The following DMD variants were observed in gnomAD, a reference collection of about 807,000 sequenced individuals.
DMD encodes dystrophin, also known as mutant dystrophin.
DMD carries 63 observed loss-of-function variants against 330.1 expected under a neutral mutation model. The observed-to-expected ratio is 0.19, with a 90% CI of 0.16 to 0.24. The LOEUF (loss-of-function observed/expected upper bound fraction) is 0.24. Ranked by LOEUF, DMD falls within the 10% of genes least tolerant of loss-of-function variation. The pLI is 1.00. For missense variants in DMD, 3,344 were observed against 2,684.1 expected (o/e 1.25, Z -5.43); for synonymous variants, 1,223 against 959.8 (o/e 1.27, Z -5.07).
At chrX:31,896,159 T>C (rs966922708) in intron 47 of DMD, among the ~76,000 whole-genome samples, 17 of 112,042 alleles carry the variant, frequency 1.5e-4, no homozygotes, top group Non-Finnish European at 3.0e-4. Context: ...AATTTTACAG[T>C]TCATATGTGA....
At chrX:32,763,884 C>T (rs946344087) in intron 7 of DMD, among the ~76,000 whole-genome samples, 3 of 111,263 alleles carry the variant, frequency 2.7e-5, no homozygotes, top group Non-Finnish European at 5.7e-5. Flanking sequence ...AAATAAAAAA[C>T]GTTTGTTGAT....
In DMD at chrX:32,793,262, A is replaced by G. The variant is rs766807299; in HGVS notation, c.649+16231T>C. On this transcript the variant is annotated intron_variant, in intron 7 of 78. Transcript: ENST00000357033. The stretch of plus-strand genomic sequence containing the variant: ...TGAAACAAATGAATATCAAAATATA[A>G]TAACACCTACGGGATATGGCAAAAG... 2.3e-4 allele frequency among the ~76,000 whole-genome samples: 26 copies of G among 111,734 alleles called. 2 individuals are homozygous for G. In the South Asian group the frequency reaches 8.8e-3, roughly 38 times the overall value.
intron 44 of DMD, among the ~76,000 whole-genome samples, chrX:32,194,958 G>A (rs1426012191): frequency 3.6e-5 from 4 of 111,320 alleles, no homozygotes; most frequent in African/African-American, 6.5e-5. Context: ...ATTTTGCTGC[G>A]GTGTAGGATT....
At chrX:31,371,564 G>A (rs777120822) in intron 60 of DMD, among the ~76,000 whole-genome samples, 346 of 111,085 alleles carry the variant, frequency 3.1e-3, no homozygotes, top group Non-Finnish European at 4.9e-3. Context: ...TGAAAGGCTC[G>A]TTTCTGGGTG....
At chrX:33,005,900 A>G (rs1310136361) in intron 2 of DMD, among the ~76,000 whole-genome samples, 3 of 111,555 alleles carry the variant, frequency 2.7e-5, no homozygotes, top group African/African-American at 9.7e-5. Flanking sequence ...CAATTGTAGC[A>G]AAGTTGCAGG....
chrX:32,578,056 C>T (rs2053255566), intron 13 of DMD, among the ~76,000 whole-genome samples: 1 of 112,266 alleles, frequency 8.9e-6, no homozygotes, highest in South Asian at 3.6e-4. Context: ...GCTCTGGAAT[C>T]ACTCAAAGAT....
intron 9 of DMD, among the ~76,000 whole-genome samples, chrX:32,684,725 T>C (rs971617507): frequency 9.0e-6 from 1 of 111,547 alleles, no homozygotes; most frequent in Admixed American, 9.6e-5. Context: ...TATGTCTTTT[T>C]ACATACTTAA....
chrX:31,238,068 T>C (rs2047907003), intron 63 of DMD, among the ~76,000 whole-genome samples: 1 of 111,515 alleles, frequency 9.0e-6, no homozygotes, highest in Admixed American at 9.5e-5. Context: ...CATTTGGGAG[T>C]TGCTTGATAT....
At chrX:32,890,340 G>A (rs1270514822) in intron 2 of DMD, among the ~76,000 whole-genome samples, 9 of 106,160 alleles carry the variant, frequency 8.5e-5, no homozygotes, top group Non-Finnish European at 3.8e-5. Flanking sequence ...ACCTTTCGTT[G>A]AAATTAACCT....
chrX:32,507,630 T>C (rs145320431), intron 18 of DMD, among the ~76,000 whole-genome samples: 92 of 111,731 alleles, frequency 8.2e-4, no homozygotes, highest in African/African-American at 2.8e-3. Context: ...ATAAAGTAGG[T>C]ACTATTACTT....
At chrX:31,580,404 G>A (rs1403765153) in intron 55 of DMD, among the ~76,000 whole-genome samples, 1 of 111,439 alleles carries the variant, frequency 9.0e-6, no homozygotes, top group African/African-American at 3.3e-5. Flanking sequence ...AGATGTGAGC[G>A]ATAGAGCTGT....
intron 9 of DMD, among the ~76,000 whole-genome samples, chrX:32,679,582 T>C (rs2062221263): frequency 9.0e-6 from 1 of 110,811 alleles, no homozygotes; most frequent in South Asian, 3.7e-4. Flanking sequence ...ACAGAAGGAA[T>C]CTTAATGTCA....
intron 52 of DMD, among the ~76,000 whole-genome samples, chrX:31,707,902 GACTT>G (rs2148896036): frequency 9.0e-6 from 1 of 111,381 alleles, no homozygotes; most frequent in Admixed American, 9.6e-5. Flanking sequence ...TGAAAAAAAA[GACTT>G]ACATAAAAGT....
chrX:32,522,504 T>G (rs2148829843), intron 17 of DMD, among the ~76,000 whole-genome samples: 1 of 112,253 alleles, frequency 8.9e-6, no homozygotes, highest in Non-Finnish European at 1.9e-5. Context: ...ACATTCAAAT[T>G]ATTCTCTTCT....
chrX:31,379,823 G>A (rs192651026), intron 60 of DMD, among the ~76,000 whole-genome samples: 47 of 111,906 alleles, frequency 4.2e-4, no homozygotes, highest in African/African-American at 6.5e-4. Flanking sequence ...CCCGCAGCCC[G>A]GGATTCCTCC....
chrX:33,119,265 T>C (rs2095409132), intron 1 of DMD, among the ~76,000 whole-genome samples: 1 of 112,131 alleles, frequency 8.9e-6, no homozygotes, highest in African/African-American at 3.2e-5. Flanking sequence ...CACACACACA[T>C]ATAAAATGAG....
intron 44 of DMD, among the ~76,000 whole-genome samples, chrX:32,070,330 G>T (rs2096287125): frequency 1.8e-5 from 2 of 110,898 alleles, no homozygotes; most frequent in African/African-American, 6.6e-5. Flanking sequence ...ATCAAAAATA[G>T]TATTGCAGCC....
intron 67 of DMD, among the ~76,000 whole-genome samples, chrX:31,184,494 GA>G (rs752734808): frequency 6.0e-4 from 53 of 87,775 alleles, no homozygotes; most frequent in African/African-American, 2.1e-3. Flanking sequence ...GGAGAAATAG[GA>G]ACACTTTTAC....
intron 34 of DMD, among the ~76,000 whole-genome samples, chrX:32,368,142 T>C (rs191306112): frequency 1.8e-4 from 20 of 111,824 alleles, no homozygotes; most frequent in East Asian, 1.7e-3. Flanking sequence ...TCTGGAGATC[T>C]GAAATACTAA....
Sources: gnomAD v4.1 joint callset for allele counts (sites outside exome capture counted in the v4.1 genomes callset) on GRCh38, gnomAD v4.1.1 for gene constraint, MANE v1.5 for transcripts, NCBI Gene and HGNC (gene_info 2026-07-23, HGNC 2026-07-21) for gene names.